ARHGAP6: variants seen among roughly 807,000 people sequenced by gnomAD.
ARHGAP6 encodes Rho GTPase activating protein 6, also known as rho GTPase-activating protein 6.
Under a neutral mutation model 55.7 loss-of-function variants are expected in ARHGAP6, and 16 were observed. The observed-to-expected ratio is 0.29, with a 90% CI of 0.19 to 0.44. The LOEUF (loss-of-function observed/expected upper bound fraction) is 0.44. Ranked by LOEUF, ARHGAP6 falls within the 20% of genes least tolerant of loss-of-function variation. The pLI is 1.00. For synonymous variants in ARHGAP6, 382 were observed against 360.9 expected (o/e 1.06, Z -0.66); for missense variants, 698 against 808.9 (o/e 0.86, Z 1.66).
At chrX:11,552,599 T>TATATATAC (rs1491079107) in intron 1 of ARHGAP6, among the ~76,000 whole-genome samples, 5 of 48,218 alleles carry the variant, frequency 1.0e-4, no homozygotes, top group African/African-American at 1.8e-4. Flanking sequence ...TATATATATA[T>TATATATAC]AGACACACAC....
rs1285310327 is a variant in ARHGAP6, at chrX:11,139,115, C to T, written c.2673G>A (p.Ala891=). 3 of 1,202,977 alleles carry T rather than the reference C, an allele frequency of 2.5e-6. No individual in the cohort carries two copies. The highest frequency in any genetic ancestry group is 3.5e-5 in the African/African-American group (2 of 57,309). Residue 891 remains alanine (A), a synonymous_variant, in exon 13 of 13, where the codon GCG becomes GCA. Coordinates refer to ENST00000337414, the MANE Select transcript of ARHGAP6 (RefSeq NM_013427.3). ...PPPYPGPGKP[A]AAAAWIQGPP... ...GCCCCTGGATCCAGGCTGCCGCTGCCGCGGGCTTCCCTGGGCCCGGGTATG... is the reference window on the plus strand; with the variant it reads ...GCCCCTGGATCCAGGCTGCCGCTGCTGCGGGCTTCCCTGGGCCCGGGTATG...
chrX:11,410,649 A>G (rs1265316246), intron 1 of ARHGAP6, among the ~76,000 whole-genome samples: 1 of 112,416 alleles, frequency 8.9e-6, no homozygotes, highest in Non-Finnish European at 1.9e-5. Flanking sequence ...TTACATCTCA[A>G]TAGAGAGGGT....
intron 1 of ARHGAP6, among the ~76,000 whole-genome samples, chrX:11,453,774 G>T (rs2050168228): frequency 8.9e-6 from 1 of 111,748 alleles, no homozygotes; most frequent in African/African-American, 3.3e-5. Context: ...CAAAAGAAGA[G>T]TAAGCAAAGT....
At chrX:11,452,923 T>C (rs1175312214) in intron 1 of ARHGAP6, among the ~76,000 whole-genome samples, 1 of 110,925 alleles carries the variant, frequency 9.0e-6, no homozygotes, top group African/African-American at 3.3e-5. Flanking sequence ...TTGTGGAAAG[T>C]CAAGTTTTCC....
At chrX:11,261,219 AG>A (rs1028702464) in intron 1 of ARHGAP6, among the ~76,000 whole-genome samples, 1 of 111,808 alleles carries the variant, frequency 8.9e-6, no homozygotes, top group Non-Finnish European at 1.9e-5. Context: ...CCAGTACATG[AG>A]GGGAGAAAAT....
intron 1 of ARHGAP6, among the ~76,000 whole-genome samples, chrX:11,453,124 G>C (rs982915028): frequency 1.1e-4 from 12 of 106,205 alleles, no homozygotes; most frequent in African/African-American, 3.8e-4. Flanking sequence ...AAGTGGTCAA[G>C]CTAAAATTTG....
intron 1 of ARHGAP6, among the ~76,000 whole-genome samples, chrX:11,288,181 G>C (rs1361340663): frequency 1.8e-5 from 2 of 112,408 alleles, no homozygotes; most frequent in African/African-American, 6.5e-5. Flanking sequence ...CTTTCTGTGA[G>C]ACTGTGAGTA....
intron 1 of ARHGAP6, among the ~76,000 whole-genome samples, chrX:11,362,572 G>A (rs1229251067): frequency 9.1e-6 from 1 of 109,413 alleles, no homozygotes; most frequent in Non-Finnish European, 1.9e-5. Flanking sequence ...GAGTTAATGG[G>A]TGCAGCACAC....
At chrX:11,229,932 A>G (rs1028111199) in intron 2 of ARHGAP6, among the ~76,000 whole-genome samples, 1 of 112,102 alleles carries the variant, frequency 8.9e-6, no homozygotes, top group African/African-American at 3.2e-5. Flanking sequence ...CCTTATGGGG[A>G]GCATTTAATT....
intron 1 of ARHGAP6, among the ~76,000 whole-genome samples, chrX:11,521,967 A>G (rs1468381655): frequency 9.0e-6 from 1 of 111,141 alleles, no homozygotes; most frequent in Non-Finnish European, 1.9e-5. Flanking sequence ...TTTCTCTGTT[A>G]TTGGTGTATA....
chrX:11,619,229 G>T (rs907870015), intron 1 of ARHGAP6, among the ~76,000 whole-genome samples: 2 of 111,818 alleles, frequency 1.8e-5, no homozygotes, highest in East Asian at 5.6e-4. Flanking sequence ...CAGATCTTTG[G>T]ATTGGAGGGA....
intron 1 of ARHGAP6, among the ~76,000 whole-genome samples, chrX:11,626,990 A>G (rs1400588565): frequency 8.9e-6 from 1 of 111,917 alleles, no homozygotes; most frequent in Non-Finnish European, 1.9e-5. Context: ...TGTTTAATCA[A>G]GATCAACATT....
chrX:11,520,842 A>C (rs1283101004), intron 1 of ARHGAP6, among the ~76,000 whole-genome samples: 1 of 111,657 alleles, frequency 9.0e-6, no homozygotes, highest in Non-Finnish European at 1.9e-5. Flanking sequence ...TGACTTTTGA[A>C]TGATCGCCAT....
chrX:11,281,936 T>G (rs2147534843), intron 1 of ARHGAP6, among the ~76,000 whole-genome samples: 1 of 112,189 alleles, frequency 8.9e-6, no homozygotes, highest in African/African-American at 3.2e-5. Flanking sequence ...GAAACGATAA[T>G]GGAATAAACA....
intron 1 of ARHGAP6, among the ~76,000 whole-genome samples, chrX:11,354,309 C>A: frequency 1.7e-4 from 11 of 63,853 alleles, no homozygotes; most frequent in African/African-American, 6.4e-4. Context: ...CTCTCTCTCT[C>A]TCTCTCTCTC....
chrX:11,423,008 A>C (rs1215138270), intron 1 of ARHGAP6, among the ~76,000 whole-genome samples: 1 of 112,378 alleles, frequency 8.9e-6, no homozygotes, highest in African/African-American at 3.2e-5. Flanking sequence ...ATCTACAATT[A>C]GTAGAGGTGT....
chrX:11,606,402 G>A (rs755664472), intron 1 of ARHGAP6, among the ~76,000 whole-genome samples: 33 of 111,623 alleles, frequency 3.0e-4, no homozygotes, highest in Non-Finnish European at 4.7e-4. Flanking sequence ...CCCCAAGAAT[G>A]TGCTCTTGTT....
At chrX:11,180,695 C>T (rs1221891130) in intron 6 of ARHGAP6, among the ~76,000 whole-genome samples, 2 of 111,785 alleles carry the variant, frequency 1.8e-5, no homozygotes, top group Non-Finnish European at 3.8e-5. Flanking sequence ...TAATGGATCC[C>T]GATATAACTG....
chrX:11,472,210 C>T (rs1360915071), intron 1 of ARHGAP6, among the ~76,000 whole-genome samples: 1 of 111,538 alleles, frequency 9.0e-6, no homozygotes, highest in African/African-American at 3.3e-5. Context: ...TCTCCACCCA[C>T]TAGATGCCGG....
Sources: gnomAD v4.1 joint callset for allele counts (sites outside exome capture counted in the v4.1 genomes callset) on GRCh38, gnomAD v4.1.1 for gene constraint, MANE v1.5 for transcripts, NCBI Gene and HGNC (gene_info 2026-07-23, HGNC 2026-07-21) for gene names.